The following ACYP2 variants were observed in gnomAD, a reference collection of about 807,000 sequenced individuals.
ACYP2 encodes the protein acylphosphatase 2, also known as acylphosphatase-2.
In ACYP2, 12 loss-of-function variants were observed where a neutral mutation model predicts 11.2. The ratio of observed to expected loss-of-function variants is 1.08; its 90% CI spans 0.69 to 1.74. The LOEUF is 1.74. ACYP2 is among the 40% of genes most tolerant of loss of function. ACYP2 has a pLI of 0.00. For synonymous variants in ACYP2, 43 were observed against 32.2 expected, an observed-to-expected ratio of 1.33 and a Z score of -1.13; for missense variants, 134 against 101.9, an observed-to-expected ratio of 1.31 and a Z score of -1.35.
chr2:54,119,429 G>A (rs942960893), intron 4 of ACYP2, among the ~76,000 whole-genome samples: 1 of 152,126 alleles, frequency 6.6e-6, no homozygotes, highest in African/African-American at 2.4e-5. Flanking sequence ...AGTGAAAACT[G>A]TCTTGTTAGA....
chr2:54,164,110 G>C (rs1224682818), intron 6 of ACYP2, among the ~76,000 whole-genome samples: 1 of 152,204 alleles, frequency 6.6e-6, no homozygotes, highest in Non-Finnish European at 1.5e-5. Context: ...AAGGCTGAAA[G>C]AGGGATCTGA....
intron 4 of ACYP2, among the ~76,000 whole-genome samples, chr2:54,070,575 A>G (rs1009959817): frequency 1.3e-5 from 2 of 152,202 alleles, no homozygotes; most frequent in African/African-American, 2.4e-5. Context: ...TATTTAACAC[A>G]TATTCCAGAA....
intron 2 of ACYP2, chr2:54,029,627 A>G (rs543876082): frequency 2.5e-4 from 91 of 367,420 alleles, no homozygotes; most frequent in Non-Finnish European, 4.1e-4. Context: ...TTTTCTGATC[A>G]TTTTCCTTCA....
intron 6 of ACYP2, among the ~76,000 whole-genome samples, chr2:54,191,552 A>G (rs1684240579): frequency 6.6e-6 from 1 of 152,190 alleles, no homozygotes; most frequent in South Asian, 2.1e-4. Context: ...TCTGAGCCTC[A>G]GTTTTCTCAT....
At chr2:54,141,799 A>C (rs1281485847) in intron 6 of ACYP2, 4 of 468,526 alleles carry the variant, frequency 8.5e-6, no homozygotes, top group Non-Finnish European at 1.6e-5. Flanking sequence ...GAAAACTTAC[A>C]TGATTGTGTC....
chr2:54,219,905 A>ATATATATTT (rs1288814375), intron 6 of ACYP2, among the ~76,000 whole-genome samples: 14 of 75,990 alleles, frequency 1.8e-4, no homozygotes, highest in South Asian at 6.1e-4. Context: ...ATATATATAT[A>ATATATATTT]TTTTTTTTTT....
At chr2:54,154,192 GT>G (rs775860317) in intron 6 of ACYP2, among the ~76,000 whole-genome samples, 1 of 152,028 alleles carries the variant, frequency 6.6e-6, no homozygotes, top group Non-Finnish European at 1.5e-5. Flanking sequence ...ACTTCTAACA[GT>G]TTTTTGGTAG....
intron 6 of ACYP2, among the ~76,000 whole-genome samples, chr2:54,230,829 C>CTT (rs34359444): frequency 0.022 from 2,864 of 129,344 alleles, 120 homozygotes; most frequent in African/African-American, 0.07. Context: ...TCTTTCTTTT[C>CTT]TTTTTTTTTT....
At chr2:54,117,247 CAT>C (rs1473241009) in intron 4 of ACYP2, among the ~76,000 whole-genome samples, 5 of 151,998 alleles carry the variant, frequency 3.3e-5, no homozygotes, top group Middle Eastern at 6.8e-3. Flanking sequence ...GTATGATAAA[CAT>C]TATTAAAATT....
chr2:54,044,793 A>G (rs1459425528), intron 2 of ACYP2, among the ~76,000 whole-genome samples: 2 of 152,200 alleles, frequency 1.3e-5, no homozygotes, highest in African/African-American at 2.4e-5. Context: ...GCCATGTTTT[A>G]TGCTAGAAAC....
chr2:54,150,896 C>G (rs1682133016), intron 6 of ACYP2, among the ~76,000 whole-genome samples: 2 of 151,970 alleles, frequency 1.3e-5, no homozygotes, highest in Admixed American at 1.3e-4. Flanking sequence ...CGCCCACTAC[C>G]ACGCCCGGCT....
chr2:54,209,717 G>A (rs970203996), intron 6 of ACYP2, among the ~76,000 whole-genome samples: 10 of 152,066 alleles, frequency 6.6e-5, no homozygotes, highest in African/African-American at 2.4e-4. Flanking sequence ...TTAAAAAAGG[G>A]GTTCCTTTTC....
chr2:54,006,788 T>C (rs1159870162), intron 2 of ACYP2, among the ~76,000 whole-genome samples: 1 of 152,052 alleles, frequency 6.6e-6, no homozygotes, highest in Non-Finnish European at 1.5e-5. Flanking sequence ...ACAGATATTG[T>C]GACTTCTGGC....
chr2:54,192,342 T>C (rs1684273467), intron 6 of ACYP2, among the ~76,000 whole-genome samples: 1 of 152,144 alleles, frequency 6.6e-6, no homozygotes, highest in Non-Finnish European at 1.5e-5. Context: ...TCCCTATATT[T>C]ATTACTGTTT....
chr2:54,055,677 C>G (rs1209292345), intron 3 of ACYP2, among the ~76,000 whole-genome samples: 1 of 152,178 alleles, frequency 6.6e-6, no homozygotes, highest in Non-Finnish European at 1.5e-5. Flanking sequence ...TGTCCTATGA[C>G]ACCCTCCATA....
intron 2 of ACYP2, among the ~76,000 whole-genome samples, chr2:53,978,462 G>A (rs1176180657): frequency 6.6e-6 from 1 of 152,142 alleles, no homozygotes; most frequent in African/African-American, 2.4e-5. Flanking sequence ...CATAGACAGT[G>A]GTCCCACAAG....
chr2:54,204,867 T>C (rs1262298842), intron 6 of ACYP2, among the ~76,000 whole-genome samples: 1 of 152,232 alleles, frequency 6.6e-6, no homozygotes, highest in African/African-American at 2.4e-5. Flanking sequence ...TTCTGCTTTG[T>C]GATGTGATAG....
intron 6 of ACYP2, among the ~76,000 whole-genome samples, chr2:54,139,812 C>T (rs1681501991): frequency 6.6e-6 from 1 of 152,108 alleles, no homozygotes; most frequent in Non-Finnish European, 1.5e-5. Flanking sequence ...TATTTCCCTC[C>T]CCTTTATTAA....
intron 4 of ACYP2, among the ~76,000 whole-genome samples, chr2:54,129,593 A>G (rs1475676967): frequency 6.7e-6 from 1 of 150,294 alleles, no homozygotes; most frequent in African/African-American, 2.4e-5. Context: ...TAGTATATAT[A>G]CTATCTATTA....
Sources: gnomAD v4.1 joint callset for allele counts (sites outside exome capture counted in the v4.1 genomes callset) on GRCh38, gnomAD v4.1.1 for gene constraint, MANE v1.5 for transcripts, NCBI Gene and HGNC (gene_info 2026-07-23, HGNC 2026-07-21) for gene names.